The following GALNT5 variants were observed in gnomAD, a reference collection of about 807,000 sequenced individuals.
GALNT5 encodes the protein polypeptide N-acetylgalactosaminyltransferase 5.
Under a neutral mutation model 85.4 loss-of-function variants are expected in GALNT5, and 72 were observed. That is an observed-to-expected ratio of 0.84 (90% CI 0.70 to 1.03). GALNT5 has a LOEUF of 1.03. Among genes scored for constraint, GALNT5 ranks in the 50% least tolerant of loss-of-function variants. The pLI is 0.00. For synonymous variants in GALNT5, 404 were observed against 397.0 expected (o/e 1.02, Z -0.21); for missense variants, 1,137 against 1,135.5 (o/e 1.00, Z -0.02).
At chr2:157,275,543 C>G (rs1024529069) in intron 1 of GALNT5, among the ~76,000 whole-genome samples, 4 of 152,166 alleles carry the variant, frequency 2.6e-5, no homozygotes, top group Non-Finnish European at 5.9e-5. Context: ...TCCTCCACAT[C>G]CCTTGTAAGT....
intron 1 of GALNT5, among the ~76,000 whole-genome samples, chr2:157,265,175 T>A (rs4130598): frequency 1.3e-5 from 2 of 152,112 alleles, no homozygotes; most frequent in Non-Finnish European, 2.9e-5. Flanking sequence ...TAGAGCACAG[T>A]ACTCTTTTTC....
intron 9 of GALNT5, 107 bp from the exon 10 acceptor site, chr2:157,311,101 A>T: frequency 1.1e-6 from 1 of 882,766 alleles, no homozygotes; most frequent in South Asian, 1.5e-5. Flanking sequence ...ATTCTTAAAA[A>T]TCAAAAATAT....
At position 157,314,064 on chromosome 2, in the gene GALNT5, T is replaced by C. The variant is rs1156655667; in HGVS notation, c.*2716T>C. The C allele has an allele frequency of 6.6e-6, 1 of 152,146 alleles. No homozygotes were observed. Among genetic ancestry groups the C allele is most frequent in the Non-Finnish European group, 1.5e-5 (1 of 68,028 alleles). The allele number at this position is 152,146 out of a possible 1,614,324, so 9.4% of individuals were successfully genotyped here. On this transcript the variant is annotated 3_prime_UTR_variant, in exon 10 of 10. Coordinates refer to ENST00000259056, the MANE Select transcript of GALNT5 (RefSeq NM_014568.3). The stretch of plus-strand genomic sequence containing the variant: ...TTTTTTCAGGAGATTAGAATAAAGG[T>C]ATACATGCTACTCGGTCTTCTGGTA...
chr2:157,282,536 TTTC>T (rs1283650970), intron 1 of GALNT5, among the ~76,000 whole-genome samples: 44 of 152,318 alleles, frequency 2.9e-4, no homozygotes, highest in African/African-American at 9.6e-4. Context: ...TTGTCTACCA[TTTC>T]TTAAGTACCC....
At chr2:157,309,835 T>C (rs1683529587) in intron 9 of GALNT5, among the ~76,000 whole-genome samples, 2 of 152,214 alleles carry the variant, frequency 1.3e-5, no homozygotes, top group African/African-American at 2.4e-5. Flanking sequence ...ATGGTTATTA[T>C]TGAGTTATTC....
rs184406081 is a variant in GALNT5 at position 157,318,160 on chromosome 2, A to G, written c.*6812A>G. Among the ~76,000 whole-genome samples, 1 of 152,098 alleles carries G rather than the reference A, an allele frequency of 6.6e-6. No homozygotes were observed. The highest frequency in any genetic ancestry group is 2.0e-4 in the East Asian group (1 of 5,048). ...TTATCCTTCTCCATAATTCTCTATT[A>G]TTACTTATTTTAAATGTTTTCCCTA... On this transcript the variant is annotated 3_prime_UTR_variant, in exon 10 of 10. Coordinates refer to ENST00000259056, the MANE Select transcript of GALNT5 (RefSeq NM_014568.3).
Position 157,308,625 on chromosome 2 carries a change from C to A in GALNT5, c.2579C>A (p.Ala860Asp). The A allele has an allele frequency of 6.2e-7, 1 of 1,612,870 alleles. No homozygotes were observed. The highest frequency in any genetic ancestry group is 8.5e-7 in the Non-Finnish European group (1 of 1,178,902). ...RLIKCGEWCI[A>D]PIPDKGAVRL... ...ATTAAATGTGGAGAATGGTGTATAG[C>A]CCCCATCCCTGATAAAGGAGCCGTA... is the stretch of plus-strand genomic sequence containing the variant. Residue 860 changes from alanine to aspartate, a missense_variant, in exon 9 of 10, where the codon GCC (alanine) becomes GAC (aspartate). Physicochemically the swap from Ala to Asp is moderately radical, Grantham distance 126. Transcript: ENST00000259056.
At chr2:157,282,227 A>AT (rs889376075) in intron 1 of GALNT5, among the ~76,000 whole-genome samples, 5 of 149,782 alleles carry the variant, frequency 3.3e-5, no homozygotes, top group Non-Finnish European at 7.4e-5. Context: ...CTGTCAATTT[A>AT]TTTTTTTTAA....
intron 1 of GALNT5, among the ~76,000 whole-genome samples, chr2:157,268,912 A>G (rs761688259): frequency 1.3e-5 from 2 of 152,246 alleles, no homozygotes; most frequent in Non-Finnish European, 2.9e-5. Context: ...GCCTCAAAAA[A>G]GTTACAAACC....
chr2:157,289,691 T>A (rs1355172456), intron 3 of GALNT5, among the ~76,000 whole-genome samples: 1 of 152,186 alleles, frequency 6.6e-6, no homozygotes, highest in African/African-American at 2.4e-5. Flanking sequence ...CAATTTTTTA[T>A]TGACCTACCC....
chr2:157,275,008 T>C lies in GALNT5; in HGVS notation c.1455-9274T>C, dbSNP rs181617416. ...AATCCATCTTGAATTAATTTTTGTA[T>C]AAAGTGTAAGGAAGGGATCCAGTTT... On this transcript the variant is annotated intron_variant, in intron 1 of 9. Coordinates refer to ENST00000259056, the MANE Select transcript of GALNT5 (RefSeq NM_014568.3). Among the ~76,000 whole-genome samples, 10 of 152,376 alleles carry C rather than the reference T, an allele frequency of 6.6e-5. No homozygotes were observed. The East Asian group carries it at 1.9e-3, about 29-fold the overall frequency.
At position 157,286,983 on chromosome 2, in the gene GALNT5, A is replaced by T. The variant is rs568504110; in HGVS notation, c.1741+849A>T. Among the ~76,000 whole-genome samples the T allele has an allele frequency of 2.5e-3, 372 of 149,796 alleles. 2 individuals carry two copies. The highest frequency in any genetic ancestry group is 8.7e-3 in the African/African-American group (352 of 40,398). On this transcript the variant is annotated intron_variant, in intron 3 of 9. Coordinates refer to ENST00000259056, the MANE Select transcript of GALNT5 (RefSeq NM_014568.3). ...GTTTGGTACCAGTGACCATGTTCTG[A>T]AATTTTTGATTTCCTCTTGTTACCT...
chr2:157,292,290 C>T (rs1413132211), intron 3 of GALNT5, among the ~76,000 whole-genome samples: 3 of 152,308 alleles, frequency 2.0e-5, no homozygotes, highest in South Asian at 4.1e-4. Context: ...ACAATAACCA[C>T]GCCAATCAGA....
At position 157,300,947 on chromosome 2, in the gene GALNT5, T is replaced by C; in HGVS notation, c.2387T>C (p.Leu796Ser). 6.2e-7 allele frequency: 1 copy of C among 1,614,122 alleles called. No individual in the cohort carries two copies. The highest frequency in any genetic ancestry group is 8.5e-7 in the Non-Finnish European group (1 of 1,179,974). The change falls in exon 7 of 10, where the codon TTG becomes TCG. Residue 796 changes from leucine to serine, a missense_variant. Coordinates refer to ENST00000259056, the MANE Select transcript of GALNT5 (RefSeq NM_014568.3). ...KLKCKSFKWY[L>S]ENVFPDLRAP... ...AAGTGCAAAAGTTTCAAATGGTACT[T>C]GGAGAATGTCTTTCCTGACTTAAGG...
intron 7 of GALNT5, among the ~76,000 whole-genome samples, chr2:157,301,847 G>A (rs150227696): frequency 9.9e-5 from 15 of 152,242 alleles, no homozygotes; most frequent in Non-Finnish European, 1.8e-4. Flanking sequence ...AACATTCCAG[G>A]GCATGAAGGA....
intron 3 of GALNT5, among the ~76,000 whole-genome samples, chr2:157,291,272 GACATTTCTATGAGCAT>G (rs1220059163): frequency 6.6e-6 from 1 of 152,128 alleles, no homozygotes; most frequent in Non-Finnish European, 1.5e-5. Context: ...CAAAATTCCT[GACATTTCTATGAGCAT>G]TCTAAATAAT....
At position 157,257,985 on chromosome 2, in the gene GALNT5, C is replaced by T; in HGVS notation, c.-98C>T. ...AGGGGAGGGGGTCACTTTCTGGCAA[C>T]TCTGCTGCTGCTGCTGCTGCTGCTG... On this transcript the variant is annotated 5_prime_UTR_variant, in exon 1 of 10. Transcript: ENST00000259056. 8.4e-7 allele frequency: 1 copy of T among 1,189,784 alleles called. No individual in the cohort carries two copies. The highest frequency in any genetic ancestry group is 1.2e-6 in the Non-Finnish European group (1 of 844,690). 73.7% of individuals were successfully genotyped at this position (1,189,784 alleles called of 1,614,324 possible).
intron 1 of GALNT5, among the ~76,000 whole-genome samples, chr2:157,267,941 A>G (rs1558890383): frequency 6.6e-6 from 1 of 152,168 alleles, no homozygotes; most frequent in South Asian, 2.1e-4. Context: ...AAGCAGCCCC[A>G]ACAATTCTAA....
chr2:157,281,264 C>G (rs1682848902), intron 1 of GALNT5, among the ~76,000 whole-genome samples: 1 of 152,142 alleles, frequency 6.6e-6, no homozygotes, highest in South Asian at 2.1e-4. Context: ...TGGATTTCAC[C>G]ATGTTGGCCA....
Sources: gnomAD v4.1 joint callset for allele counts (sites outside exome capture counted in the v4.1 genomes callset) on GRCh38, gnomAD v4.1.1 for gene constraint, MANE v1.5 for transcripts, NCBI Gene and HGNC (gene_info 2026-07-23, HGNC 2026-07-21) for gene names.